CAST: variants seen among roughly 807,000 people sequenced by gnomAD.
CAST encodes the protein calpastatin.
CAST carries 76 observed loss-of-function variants against 119.6 expected under a neutral mutation model. That is an observed-to-expected ratio of 0.64 (90% CI 0.53 to 0.77). CAST has a LOEUF of 0.77. CAST is among the 30% of genes least tolerant of loss of function. CAST has a pLI of 0.00. For synonymous variants in CAST, 319 were observed against 331.6 expected (o/e 0.96, Z 0.41); for missense variants, 953 against 946.5 (o/e 1.01, Z -0.09).
intron 1 of CAST, among the ~76,000 whole-genome samples, chr5:96,560,108 G>T (rs1267598814): frequency 1.3e-5 from 2 of 152,030 alleles, no homozygotes; most frequent in Non-Finnish European, 2.9e-5. Context: ...AATAGGGAAA[G>T]GATTCCCTAT....
At chr5:96,617,944 A>G (rs1747502996) in intron 1 of CAST, among the ~76,000 whole-genome samples, 1 of 151,952 alleles carries the variant, frequency 6.6e-6, no homozygotes, top group African/African-American at 2.4e-5. Flanking sequence ...TTCAGCTGGA[A>G]GGAATAGCAT....
intron 1 of CAST, among the ~76,000 whole-genome samples, chr5:96,591,211 C>T (rs761652279): frequency 2.6e-5 from 4 of 152,116 alleles, no homozygotes; most frequent in Admixed American, 6.5e-5. Flanking sequence ...CCTAAATAAC[C>T]GAAAGAGTCA....
intron 27 of CAST, 113 bp downstream of exon 27, chr5:96,766,258 T>A (rs1427151347): frequency 6.4e-6 from 4 of 623,630 alleles, no homozygotes; most frequent in Non-Finnish European, 1.1e-5. Flanking sequence ...AAACATACCA[T>A]GACTGACTGC....
the CAST span, among the ~76,000 whole-genome samples, chr5:96,013,926 T>C: frequency 6.6e-6 from 1 of 152,142 alleles, no homozygotes; most frequent in Non-Finnish European, 1.5e-5. Flanking sequence ...TTGTAGACTT[T>C]ACAAACACTG....
chr5:96,683,065 A>T (rs961320651), intron 2 of CAST, among the ~76,000 whole-genome samples: 1 of 152,174 alleles, frequency 6.6e-6, no homozygotes, highest in African/African-American at 2.4e-5. Flanking sequence ...CTTGGGTTAG[A>T]AAGAGAGGCA....
intron 1 of CAST, among the ~76,000 whole-genome samples, chr5:96,534,759 A>AAAG (rs1745762615): frequency 1.3e-4 from 7 of 55,620 alleles, no homozygotes; most frequent in South Asian, 5.8e-4. Flanking sequence ...GAAAGAAAGA[A>AAAG]AGAAAGAAAG....
At chr5:96,693,947 T>G (rs1323703031) in intron 2 of CAST, among the ~76,000 whole-genome samples, 2 of 152,180 alleles carry the variant, frequency 1.3e-5, no homozygotes, top group African/African-American at 4.8e-5. Context: ...CCTGGGAGCC[T>G]GAACTCCTGC....
the CAST span, among the ~76,000 whole-genome samples, chr5:96,114,277 A>G: frequency 9.3e-4 from 142 of 152,262 alleles, 1 homozygote; most frequent in Admixed American, 1.5e-3. Flanking sequence ...TGGTCTGTGG[A>G]CCAGCAATGT....
At chr5:96,354,553 A>G in the CAST span, among the ~76,000 whole-genome samples, 60 of 147,162 alleles carry the variant, frequency 4.1e-4, no homozygotes, top group Non-Finnish European at 8.0e-4. Flanking sequence ...GTTGAAATGT[A>G]AAAAAAAAAA....
the CAST span, among the ~76,000 whole-genome samples, chr5:96,472,006 G>A: frequency 1.3e-5 from 2 of 151,880 alleles, no homozygotes; most frequent in Non-Finnish European, 2.9e-5. Context: ...TTTGCTTCAC[G>A]GCTGTATACT....
the CAST span, among the ~76,000 whole-genome samples, chr5:96,417,489 G>A: frequency 6.6e-6 from 1 of 151,872 alleles, no homozygotes; most frequent in South Asian, 2.1e-4. Context: ...GTAGATTATA[G>A]GGAAGAAACC....
chr5:96,664,201 C>A (rs1748988519), intron 1 of CAST, among the ~76,000 whole-genome samples: 1 of 151,818 alleles, frequency 6.6e-6, no homozygotes, highest in South Asian at 2.1e-4. Context: ...AGAATTATAT[C>A]CCACAAGTAG....
the CAST span, among the ~76,000 whole-genome samples, chr5:96,201,064 T>C: frequency 2.0e-4 from 30 of 152,280 alleles, no homozygotes; most frequent in East Asian, 4.3e-3. Context: ...AAAGTATTTT[T>C]GAGTCAGGAA....
At chr5:96,348,626 A>G in the CAST span, among the ~76,000 whole-genome samples, 1 of 152,118 alleles carries the variant, frequency 6.6e-6, no homozygotes, top group Non-Finnish European at 1.5e-5. Flanking sequence ...AGACAGGGTC[A>G]TTTGCTAAGA....
the CAST span, among the ~76,000 whole-genome samples, chr5:95,995,960 C>A: frequency 1.3e-5 from 2 of 152,110 alleles, no homozygotes; most frequent in African/African-American, 4.8e-5. Context: ...CTCGAATAGT[C>A]TATATGGTAG....
intron 2 of CAST, among the ~76,000 whole-genome samples, chr5:96,690,477 G>T (rs1752608130): frequency 6.6e-6 from 1 of 152,110 alleles, no homozygotes; most frequent in South Asian, 2.1e-4. Flanking sequence ...TGATCCGCCT[G>T]CCTCTGCCTG....
chr5:96,097,028 TTTGA>T, the CAST span, among the ~76,000 whole-genome samples: 2 of 152,156 alleles, frequency 1.3e-5, no homozygotes, highest in East Asian at 3.9e-4. Context: ...CACCTGATAT[TTTGA>T]TTAAGTTTGA....
intron 1 of CAST, among the ~76,000 whole-genome samples, chr5:96,626,655 T>C (rs1210844419): frequency 6.6e-6 from 1 of 152,174 alleles, no homozygotes; most frequent in Non-Finnish European, 1.5e-5. Context: ...CCCTAACCAC[T>C]TTCCACAAAG....
chr5:96,473,661 C>A, the CAST span, among the ~76,000 whole-genome samples: 1 of 152,198 alleles, frequency 6.6e-6, no homozygotes, highest in South Asian at 2.1e-4. Context: ...TCCCATGGGC[C>A]ACACCTGGTA....
Sources: allele counts gnomAD v4.1 joint callset (sites outside exome capture counted in the v4.1 genomes callset), GRCh38; gene constraint gnomAD v4.1.1; transcripts MANE v1.5; gene names NCBI Gene and HGNC (gene_info 2026-07-23, HGNC 2026-07-21).